Variants in CDC14A observed in about 807,000 individuals in gnomAD.
CDC14A encodes cell division cycle 14A, also known as dual specificity protein phosphatase CDC14A.
CDC14A carries 53 observed loss-of-function variants against 74.4 expected under a neutral mutation model. The observed-to-expected ratio is 0.71, with a 90% CI of 0.57 to 0.89. The LOEUF is 0.89. CDC14A is among the 40% of genes least tolerant of loss of function. The pLI, the probability that CDC14A is intolerant of heterozygous loss-of-function variation, is 0.00. For synonymous variants in CDC14A, 247 were observed against 258.4 expected (o/e 0.96, Z 0.43); for missense variants, 646 against 713.7 (o/e 0.91, Z 1.08).
intron 2 of CDC14A, among the ~76,000 whole-genome samples, chr1:100,354,182 AG>A (rs2100874341): frequency 6.6e-6 from 1 of 152,324 alleles, no homozygotes; most frequent in East Asian, 1.9e-4. Flanking sequence ...CCTGTGAATC[AG>A]TCACTAAGTA....
chr1:100,467,310 A>G lies in CDC14A; in HGVS notation c.839-646A>G, dbSNP rs1408695723. Among the ~76,000 whole-genome samples, 10 of 152,340 alleles carry G rather than the reference A, an allele frequency of 6.6e-5. No individual in the cohort carries two copies. The East Asian group carries it at 1.9e-3, about 29-fold the overall frequency. On this transcript the variant is annotated intron_variant, in intron 9 of 15. Transcript: ENST00000336454. ...CTACCTTTATTGTTTGATCAGGGAA[A>G]GCTGACAAAAGGTCCCCTCAAAAGC... is the stretch of plus-strand genomic sequence containing the variant.
At chr1:100,451,831 CAG>C (rs1484510737) in intron 7 of CDC14A, among the ~76,000 whole-genome samples, 1 of 152,198 alleles carries the variant, frequency 6.6e-6, no homozygotes, top group Non-Finnish European at 1.5e-5. Flanking sequence ...GTGTTTAACA[CAG>C]AGTCAGTGGT....
At chr1:100,399,442 A>T (rs983889867) in intron 4 of CDC14A, among the ~76,000 whole-genome samples, 1 of 152,192 alleles carries the variant, frequency 6.6e-6, no homozygotes, top group Admixed American at 6.5e-5. Context: ...TGCTATACTT[A>T]AGCAAGTTTA....
intron 7 of CDC14A, 113 bp downstream of exon 7, chr1:100,443,109 G>A (rs1179070286): frequency 5.7e-6 from 4 of 696,620 alleles, no homozygotes; most frequent in Non-Finnish European, 9.8e-6. Flanking sequence ...GCATTCTGGA[G>A]TTTTCCATAG....
chr1:100,484,813 C>A (rs1669866298), intron 11 of CDC14A: 1 of 987,112 alleles, frequency 1.0e-6, no homozygotes, highest in Non-Finnish European at 1.2e-6. Flanking sequence ...GCTTTGAAAG[C>A]CTCAAATTCA....
At position 100,457,471 on chromosome 1, in the gene CDC14A, T is replaced by A. The variant is rs537091733; in HGVS notation, c.607+1979T>A. On this transcript the variant is annotated intron_variant, in intron 8 of 15. Transcript: ENST00000336454. ...TTTATTTTTGGTTTTTGCTTTTGTT[T>A]ATTTAGAGACAGGCTCTTGCTTTGT... Among the ~76,000 whole-genome samples the A allele has an allele frequency of 2.0e-4, 31 of 152,266 alleles. No homozygotes were observed. The South Asian group carries it at 6.2e-3, about 31-fold the overall frequency.
At position 100,370,124 on chromosome 1, in the gene CDC14A, C is replaced by T. The variant is rs1570976867; in HGVS notation, c.141-7422C>T. ...TCAGCCTCCCAAGTACCTGGGACTA[C>T]AGGCATGCACTACCACACCCAGCTA... On this transcript the variant is annotated intron_variant, in intron 2 of 15. Coordinates refer to ENST00000336454, the MANE Select transcript of CDC14A (RefSeq NM_003672.4). Among the ~76,000 whole-genome samples the T allele has an allele frequency of 2.6e-5, 4 of 152,206 alleles. 1 individual carries two copies.
chr1:100,495,915 TG>T, intron 12 of CDC14A, 86 bp from the exon 13 acceptor site: 2 of 1,062,570 alleles, frequency 1.9e-6, no homozygotes, highest in Non-Finnish European at 2.9e-6. Flanking sequence ...ATATTTTTAC[TG>T]GTTTGATACC....
chr1:100,491,311 A>G lies in CDC14A; in HGVS notation c.1138-3507A>G, dbSNP rs180721349. Among the ~76,000 whole-genome samples the G allele has an allele frequency of 4.2e-4, 49 of 117,284 alleles. No homozygotes were observed. The East Asian group carries it at 8.5e-3, about 20-fold the overall frequency. The allele number at this position is 117,284 out of a possible 152,430, so 76.9% of individuals were successfully genotyped here. On this transcript the variant is annotated intron_variant, in intron 11 of 15. Coordinates refer to ENST00000336454, the MANE Select transcript of CDC14A (RefSeq NM_003672.4). ...AAGGAAGAAGTAGGTTGGGGGTTTTATATAGCACAGGGAAAATTCTGGAAG... is the reference window on the plus strand; with the variant it reads ...AAGGAAGAAGTAGGTTGGGGGTTTTGTATAGCACAGGGAAAATTCTGGAAG...
chr1:100,494,379 A>C (rs1339747472), intron 11 of CDC14A, among the ~76,000 whole-genome samples: 1 of 152,224 alleles, frequency 6.6e-6, no homozygotes, highest in African/African-American at 2.4e-5. Context: ...AACTTACTGT[A>C]TAGATATCCT....
intron 3 of CDC14A, among the ~76,000 whole-genome samples, chr1:100,381,728 CA>C (rs1571010352): frequency 6.6e-6 from 1 of 152,224 alleles, no homozygotes; most frequent in East Asian, 1.9e-4. Flanking sequence ...ATTATCCCAT[CA>C]AACATATGCT....
chr1:100,499,031 C>A lies in CDC14A; in HGVS notation c.1524C>A (p.Phe508Leu). 6.2e-7 allele frequency: 1 copy of A among 1,614,186 alleles called. No individual in the cohort carries two copies. Among genetic ancestry groups the A allele is most frequent in the Middle Eastern group, 1.6e-4 (1 of 6,062 alleles). The change falls in exon 15 of 16, where the codon TTC becomes TTA. Residue 508 changes from phenylalanine to leucine, a missense_variant. By Grantham distance (22) the Phe-to-Leu change is conservative. Coordinates refer to ENST00000336454, the MANE Select transcript of CDC14A (RefSeq NM_003672.4). ...KKTSSSSKAG[F>L]TASPFTNLLN... ...CCTCCTCATCCTCTAAGGCAGGCTT[C>A]ACAGCCAGCCCGTTTACCAACCTCT...
chr1:100,358,151 A>G (rs1370234698), intron 2 of CDC14A, among the ~76,000 whole-genome samples: 2 of 152,210 alleles, frequency 1.3e-5, no homozygotes, highest in African/African-American at 4.8e-5. Flanking sequence ...AGGCTAACAC[A>G]CTAGTGGTAC....
chr1:100,496,513 A>G (rs1342523017), intron 13 of CDC14A, among the ~76,000 whole-genome samples: 1 of 152,118 alleles, frequency 6.6e-6, no homozygotes, highest in East Asian at 1.9e-4. Flanking sequence ...TGTTCTGTGG[A>G]AAAATGTCCC....
At chr1:100,518,120 T>G (rs1650388810) in intron 15 of CDC14A, 131 bp from the exon 16 acceptor site, 1 of 578,152 alleles carries the variant, frequency 1.7e-6, no homozygotes, top group South Asian at 2.9e-5. Flanking sequence ...CCTGTCTTTT[T>G]GTTTCTGTTT....
intron 4 of CDC14A, among the ~76,000 whole-genome samples, chr1:100,412,709 T>TATATAG (rs1660905289): frequency 1.0e-5 from 1 of 100,028 alleles, no homozygotes; most frequent in African/African-American, 6.7e-5. Flanking sequence ...TATATATATA[T>TATATAG]ATATATATAT....
chr1:100,498,777 A>T (rs1339692828), intron 14 of CDC14A, 152 bp from the exon 15 acceptor site: 1 of 1,145,898 alleles, frequency 8.7e-7, no homozygotes, highest in Non-Finnish European at 1.2e-6. Flanking sequence ...ACCAAGGGTG[A>T]TGAGGAAGCC....
At chr1:100,405,070 G>A (rs1397639757) in intron 4 of CDC14A, among the ~76,000 whole-genome samples, 1 of 152,154 alleles carries the variant, frequency 6.6e-6, no homozygotes, top group Non-Finnish European at 1.5e-5. Flanking sequence ...GGGTGTACGA[G>A]TCATTTAGTG....
chr1:100,420,055 C>T (rs1031726500), intron 4 of CDC14A, among the ~76,000 whole-genome samples: 466 of 20,856 alleles, frequency 0.022, 10 homozygotes, highest in African/African-American at 0.072. Context: ...CACACACACA[C>T]ACACACACAT....
Sources: allele counts gnomAD v4.1 joint callset (sites outside exome capture counted in the v4.1 genomes callset), GRCh38; gene constraint gnomAD v4.1.1; transcripts MANE v1.5; gene names NCBI Gene and HGNC (gene_info 2026-07-23, HGNC 2026-07-21).